Variants in CERK observed in about 807,000 individuals in gnomAD.
CERK encodes acylsphingosine kinase.
Under a neutral mutation model 63.4 loss-of-function variants are expected in CERK, and 39 were observed. That is an observed-to-expected ratio of 0.61 (90% CI 0.48 to 0.80). The LOEUF (loss-of-function observed/expected upper bound fraction) is 0.80. Ranked by LOEUF, CERK falls within the 30% of genes least tolerant of loss-of-function variation. The pLI, the probability that CERK is intolerant of heterozygous loss-of-function variation, is 0.00. For missense variants in CERK, 670 were observed against 714.1 expected (o/e 0.94, Z 0.70); for synonymous variants, 302 against 280.0 (o/e 1.08, Z -0.78).
intron 2 of CERK, 26 bp downstream of exon 2, chr22:46,720,876 T>C: frequency 7.3e-7 from 1 of 1,360,728 alleles, no homozygotes; most frequent in Non-Finnish European, 1.1e-6. Context: ...ATGAAGAATG[T>C]GGGAGAAGAC....
intron 1 of CERK, among the ~76,000 whole-genome samples, chr22:46,722,922 G>A (rs148157295): frequency 3.5e-4 from 54 of 152,310 alleles, no homozygotes; most frequent in African/African-American, 1.3e-3. Flanking sequence ...CGTGGGTGGA[G>A]GAAGGCGACG....
At chr22:46,734,067 CATATATATAT>C (rs59207182) in intron 1 of CERK, among the ~76,000 whole-genome samples, 1 of 145,394 alleles carries the variant, frequency 6.9e-6, no homozygotes, top group Non-Finnish European at 1.5e-5. Flanking sequence ...TACATACATA[CATATATATAT>C]ATATATATAT....
chr22:46,719,896 CT>C (rs2082883633), intron 3 of CERK, among the ~76,000 whole-genome samples, 189 bp downstream of exon 3: 1 of 152,248 alleles, frequency 6.6e-6, no homozygotes, highest in African/African-American at 2.4e-5. Flanking sequence ...AGGGTCCAGG[CT>C]GTGGAGCCCA....
intron 6 of CERK, among the ~76,000 whole-genome samples, chr22:46,702,380 T>C (rs9627530): frequency 0.31 from 47,467 of 150,978 alleles, 7,804 homozygotes; most frequent in Middle Eastern, 0.42. Context: ...CTGCAACCTC[T>C]GTCTCCCAGG....
intron 6 of CERK, among the ~76,000 whole-genome samples, chr22:46,702,044 G>T (rs1283458641): frequency 6.6e-6 from 1 of 151,846 alleles, no homozygotes; most frequent in Non-Finnish European, 1.5e-5. Context: ...AGCCAGGCGT[G>T]GTGGCATGCA....
At chr22:46,712,105 C>G in intron 4 of CERK, 63 bp downstream of exon 4, 1 of 1,587,744 alleles carries the variant, frequency 6.3e-7, no homozygotes, top group Non-Finnish European at 8.6e-7. Context: ...AGAAACGTCT[C>G]TAGTGACTAT....
chr22:46,708,860 C>T (rs538086808), intron 5 of CERK, among the ~76,000 whole-genome samples: 38 of 152,126 alleles, frequency 2.5e-4, no homozygotes, highest in African/African-American at 8.4e-4. Flanking sequence ...GAAGGTCCGC[C>T]GGTAGAGGAG....
intron 12 of CERK, among the ~76,000 whole-genome samples, chr22:46,688,320 C>T (rs574575664): frequency 1.2e-4 from 19 of 152,302 alleles, no homozygotes; most frequent in African/African-American, 4.1e-4. Context: ...ATAGACAGGA[C>T]GTATTTCAAG....
Position 46,690,023 on chromosome 22 carries a change from C to T in CERK, c.1510G>A (p.Glu504Lys). The T allele has an allele frequency of 1.2e-6, 2 of 1,610,782 alleles. No individual in the cohort carries two copies. The highest frequency in any genetic ancestry group is 1.7e-6 in the Non-Finnish European group (2 of 1,179,864). Residue 504 changes from glutamate (E) to lysine (K), a missense_variant, in exon 12 of 13, where the codon GAG becomes AAG. Transcript: ENST00000216264. ...TCGATGGCAGGGCTGTGCAGGACCTCCCCGTCGCAGTTCCAGGAGCTGTTG... is the reference window on the plus strand; with the variant it reads ...TCGATGGCAGGGCTGTGCAGGACCTTCCCGTCGCAGTTCCAGGAGCTGTTG... ...VSNSSWNCDG[E>K]VLHSPAIEVR...
intron 3 of CERK, among the ~76,000 whole-genome samples, chr22:46,712,736 G>A (rs1347634744): frequency 6.6e-6 from 1 of 152,200 alleles, no homozygotes; most frequent in Non-Finnish European, 1.5e-5. Context: ...ACAGGGAGAT[G>A]CTTGCAGAGA....
rs542944532 is a variant in CERK at position 46,725,408 on chromosome 22, G to A, written c.143-4393C>T. Reference sequence around the variant, plus strand: ...CGAGGGCTGGCACACAGAAGAATGCGGACGGTCCTCTAGAAGCAGAAGGAA... The same window carrying A: ...CGAGGGCTGGCACACAGAAGAATGCAGACGGTCCTCTAGAAGCAGAAGGAA... On this transcript the variant is annotated intron_variant, in intron 1 of 12. Transcript: ENST00000216264. Among the ~76,000 whole-genome samples, 57 of 152,176 alleles carry A rather than the reference G, an allele frequency of 3.7e-4. 1 individual carries two copies. The East Asian group carries it at 9.3e-3, about 25-fold the overall frequency.
At chr22:46,724,865 C>CA (rs1215089983) in intron 1 of CERK, among the ~76,000 whole-genome samples, 2 of 151,914 alleles carry the variant, frequency 1.3e-5, no homozygotes, top group Non-Finnish European at 2.9e-5. Context: ...TAAAAATACA[C>CA]AAAAAATTAG....
chr22:46,689,874 C>G, intron 12 of CERK, 118 bp downstream of exon 12: 1 of 654,438 alleles, frequency 1.5e-6, no homozygotes, highest in Non-Finnish European at 2.5e-6. Context: ...ATAAAACATT[C>G]TTACGTTTTG....
intron 6 of CERK, among the ~76,000 whole-genome samples, chr22:46,704,761 G>T (rs1419359902): frequency 6.8e-6 from 1 of 147,384 alleles, no homozygotes; most frequent in African/African-American, 2.5e-5. Flanking sequence ...GGAGGCGGAG[G>T]TTGCAGTGAG....
At chr22:46,691,046 T>C (rs62232613) in intron 11 of CERK, among the ~76,000 whole-genome samples, 12,587 of 108,444 alleles carry the variant, frequency 0.12, 1,163 homozygotes, top group African/African-American at 0.3. Context: ...CACACACATG[T>C]ATACATACAT....
intron 1 of CERK, among the ~76,000 whole-genome samples, chr22:46,733,831 C>A (rs769551414): frequency 1.3e-3 from 201 of 151,548 alleles, no homozygotes; most frequent in Non-Finnish European, 2.2e-3. Context: ...CATCTGAGGT[C>A]AGGAGTTCGA....
intron 1 of CERK, among the ~76,000 whole-genome samples, chr22:46,733,546 G>A (rs1445801518): frequency 2.0e-5 from 3 of 151,322 alleles, no homozygotes; most frequent in Non-Finnish European, 2.9e-5. Context: ...CACCCGCCTC[G>A]GCCTCCCAAA....
chr22:46,689,576 GT>G (rs1457139145), intron 12 of CERK, among the ~76,000 whole-genome samples: 2 of 152,050 alleles, frequency 1.3e-5, no homozygotes, highest in African/African-American at 4.8e-5. Flanking sequence ...GTTTCACCAT[GT>G]TGGCGAGGCT....
chr22:46,700,185 G>C (rs1453454799), intron 7 of CERK, among the ~76,000 whole-genome samples: 1 of 152,128 alleles, frequency 6.6e-6, no homozygotes, highest in Non-Finnish European at 1.5e-5. Context: ...CCTGAGGTCA[G>C]GAGTTCGAGA....
Sources: gnomAD v4.1 joint callset for allele counts (sites outside exome capture counted in the v4.1 genomes callset) on GRCh38, gnomAD v4.1.1 for gene constraint, MANE v1.5 for transcripts, NCBI Gene and HGNC (gene_info 2026-07-23, HGNC 2026-07-21) for gene names.